Variants in ST6GALNAC3 observed in about 807,000 individuals in gnomAD.
ST6GALNAC3 encodes ST6 N-acetylgalactosaminide alpha-2,6-sialyltransferase 3, also known as alpha-N-acetylgalactosaminide alpha-2,6-sialyltransferase 3.
Under a neutral mutation model 32.7 loss-of-function variants are expected in ST6GALNAC3, and 25 were observed. That is an observed-to-expected ratio of 0.76 (90% confidence interval 0.56 to 1.07). The LOEUF is 1.07. Ranked by LOEUF, ST6GALNAC3 falls within the 50% of genes least tolerant of loss-of-function variation. ST6GALNAC3 has a pLI of 0.00. For missense variants in ST6GALNAC3, 355 were observed against 382.4 expected (o/e 0.93, Z 0.60); for synonymous variants, 129 against 133.1 (o/e 0.97, Z 0.21).
chr1:76,624,451 C>T (rs1407122558), intron 3 of ST6GALNAC3, among the ~76,000 whole-genome samples: 2 of 151,882 alleles, frequency 1.3e-5, no homozygotes, highest in African/African-American at 4.8e-5. Flanking sequence ...ACTGTTGAAC[C>T]TTCAGAAACG....
intron 3 of ST6GALNAC3, among the ~76,000 whole-genome samples, chr1:76,500,459 T>C (rs1291813036): frequency 6.6e-6 from 1 of 152,226 alleles, no homozygotes; most frequent in Non-Finnish European, 1.5e-5. Flanking sequence ...GGGCTGTATG[T>C]TGGATCTCAC....
At position 76,162,866 on chromosome 1, in the gene ST6GALNAC3, G is replaced by T. The variant is rs560270117; in HGVS notation, c.18+87982G>T. Among the ~76,000 whole-genome samples, 3 of 152,328 alleles carry T rather than the reference G, an allele frequency of 2.0e-5. No homozygotes were observed. In the East Asian group the frequency reaches 5.8e-4, roughly 29 times the overall value. ...TACCATACAGGATGTAGTATTAAAG[G>T]TTGACGTGAAGGACAAAGAGGAGGT... On this transcript the variant is annotated intron_variant, in intron 1 of 4. Transcript: ENST00000328299.
intron 3 of ST6GALNAC3, among the ~76,000 whole-genome samples, chr1:76,522,988 T>C (rs1662644596): frequency 6.6e-6 from 1 of 152,204 alleles, no homozygotes. Flanking sequence ...CCATTCCCAC[T>C]GATGGTAGAA....
chr1:76,274,180 A>G (rs1480905238), intron 1 of ST6GALNAC3, among the ~76,000 whole-genome samples: 1 of 152,194 alleles, frequency 6.6e-6, no homozygotes, highest in Non-Finnish European at 1.5e-5. Flanking sequence ...AATTATGCAT[A>G]TGTGCACCTG....
At chr1:76,352,039 A>G (rs1297274567) in intron 2 of ST6GALNAC3, among the ~76,000 whole-genome samples, 2 of 152,134 alleles carry the variant, frequency 1.3e-5, no homozygotes, top group East Asian at 3.8e-4. Flanking sequence ...ATCAAATTTC[A>G]TGTGGGAGGG....
intron 3 of ST6GALNAC3, among the ~76,000 whole-genome samples, chr1:76,575,361 G>T (rs983712490): frequency 6.6e-6 from 1 of 152,014 alleles, no homozygotes; most frequent in African/African-American, 2.4e-5. Flanking sequence ...AAAGAGAACA[G>T]GTTTTATTCA....
At chr1:76,262,334 T>C (rs1658286663) in intron 1 of ST6GALNAC3, among the ~76,000 whole-genome samples, 1 of 152,216 alleles carries the variant, frequency 6.6e-6, no homozygotes. Context: ...GCCACTGTGC[T>C]AATTCCATGG....
chr1:76,193,673 C>A (rs1199429479), intron 1 of ST6GALNAC3, among the ~76,000 whole-genome samples: 1 of 152,146 alleles, frequency 6.6e-6, no homozygotes, highest in African/African-American at 2.4e-5. Flanking sequence ...TGTTACTCAT[C>A]CTATCTTACT....
At chr1:76,259,104 AAAG>A (rs1658084849) in intron 1 of ST6GALNAC3, among the ~76,000 whole-genome samples, 1 of 152,190 alleles carries the variant, frequency 6.6e-6, no homozygotes, top group African/African-American at 2.4e-5. Context: ...GCATGTTCTG[AAAG>A]AATACAGAAT....
chr1:76,451,817 G>A (rs532012019), intron 3 of ST6GALNAC3, among the ~76,000 whole-genome samples: 2 of 152,196 alleles, frequency 1.3e-5, no homozygotes, highest in South Asian at 2.1e-4. Flanking sequence ...GAGCTTTTTG[G>A]ATAAGTCTTT....
intron 3 of ST6GALNAC3, among the ~76,000 whole-genome samples, chr1:76,487,530 C>T (rs1291009067): frequency 6.6e-6 from 1 of 152,192 alleles, no homozygotes; most frequent in Non-Finnish European, 1.5e-5. Flanking sequence ...GCTACTGAAG[C>T]TTGTGCATTC....
chr1:76,575,437 G>A (rs1031530074), intron 3 of ST6GALNAC3, among the ~76,000 whole-genome samples: 17 of 152,002 alleles, frequency 1.1e-4, no homozygotes, highest in East Asian at 3.9e-4. Flanking sequence ...AGACACAATC[G>A]TTAGTACTAA....
At chr1:76,327,105 C>T (rs1330964577) in intron 2 of ST6GALNAC3, among the ~76,000 whole-genome samples, 1 of 152,034 alleles carries the variant, frequency 6.6e-6, no homozygotes, top group Non-Finnish European at 1.5e-5. Context: ...TATCAGATGA[C>T]TTCCTGGCAT....
intron 1 of ST6GALNAC3, among the ~76,000 whole-genome samples, chr1:76,268,547 G>C (rs1040051455): frequency 6.6e-6 from 1 of 152,192 alleles, no homozygotes; most frequent in African/African-American, 2.4e-5. Context: ...ATCTTGATTT[G>C]AAGAGAGAGA....
chr1:76,429,475 G>C (rs991583813), intron 3 of ST6GALNAC3, among the ~76,000 whole-genome samples: 22 of 152,262 alleles, frequency 1.4e-4, no homozygotes, highest in African/African-American at 5.3e-4. Flanking sequence ...ATTCCAGCTA[G>C]TATCACTTTT....
At chr1:76,455,787 G>C (rs540360676) in intron 3 of ST6GALNAC3, among the ~76,000 whole-genome samples, 1 of 152,132 alleles carries the variant, frequency 6.6e-6, no homozygotes, top group Non-Finnish European at 1.5e-5. Context: ...TGGACTCTTA[G>C]TCTGACTTAC....
intron 1 of ST6GALNAC3, among the ~76,000 whole-genome samples, chr1:76,300,787 C>G (rs866581617): frequency 1.3e-5 from 2 of 152,064 alleles, no homozygotes; most frequent in Middle Eastern, 6.8e-3. Context: ...GCTTTGTAAT[C>G]ACGATTGCTA....
At chr1:76,232,546 C>T (rs1281264150) in intron 1 of ST6GALNAC3, among the ~76,000 whole-genome samples, 1 of 152,192 alleles carries the variant, frequency 6.6e-6, no homozygotes, top group Admixed American at 6.5e-5. Context: ...AATGGATCCT[C>T]CCCGGAAAGG....
intron 1 of ST6GALNAC3, among the ~76,000 whole-genome samples, chr1:76,217,205 C>T (rs544172033): frequency 6.6e-6 from 1 of 152,150 alleles, no homozygotes; most frequent in East Asian, 1.9e-4. Context: ...AAAGAAAATC[C>T]TCAGCTTTGT....
Sources: allele counts gnomAD v4.1 joint callset (sites outside exome capture counted in the v4.1 genomes callset), GRCh38; gene constraint gnomAD v4.1.1; transcripts MANE v1.5; gene names NCBI Gene and HGNC (gene_info 2026-07-23, HGNC 2026-07-21).